The following KANK3 variants were observed in gnomAD, a reference collection of about 807,000 sequenced individuals.
The protein encoded by KANK3 is KN motif and ankyrin repeat domain-containing protein 3.
Under a neutral mutation model 65.4 loss-of-function variants are expected in KANK3, and 61 were observed. The ratio of observed to expected loss-of-function variants is 0.93; its 90% CI spans 0.76 to 1.15. The LOEUF is 1.15. Among genes scored for constraint, KANK3 ranks in the 50% most tolerant of loss-of-function variants. The pLI, the probability that KANK3 is intolerant of heterozygous loss-of-function variation, is 0.00. For missense variants in KANK3, 1,187 were observed against 1,178.8 expected, an observed-to-expected ratio of 1.01 and a Z score of -0.10; for synonymous variants, 586 against 543.3, an observed-to-expected ratio of 1.08 and a Z score of -1.09.
chr19:8,332,987 T>TTCCCCCCCCCCCCC, intron 7 of KANK3, 27 bp downstream of exon 7: 2 of 395,196 alleles, frequency 5.1e-6, no homozygotes, highest in Non-Finnish European at 9.5e-6. Flanking sequence ...TTTCCTGGTG[T>TTCCCCCCCCCCCCC]CCCACCCACC....
chr19:8,336,462 G>A (rs1205724929), intron 2 of KANK3, among the ~76,000 whole-genome samples: 1 of 151,114 alleles, frequency 6.6e-6, no homozygotes, highest in Non-Finnish European at 1.5e-5. Flanking sequence ...CCCTGGCCGG[G>A]CGCAGTGGCT....
At chr19:8,325,240 C>G (rs1049574590) in intron 7 of KANK3, 144 bp from the exon 8 acceptor site, 2 of 774,688 alleles carry the variant, frequency 2.6e-6, no homozygotes, top group African/African-American at 3.5e-5. Context: ...TGGTTCCTCC[C>G]TCACTAAGGT....
Position 8,332,998 on chromosome 19 carries a change from C to CCCCCCT in KANK3, c.1936+15_1936+16insAGGGGG. 8.2e-7 allele frequency: 1 copy of CCCCCCT among 1,226,752 alleles called. No homozygotes were observed. The allele number at this position is 1,226,752 out of a possible 1,614,324, so 76.0% of individuals were successfully genotyped here. Reference sequence around the variant, plus strand: ...CCCATTTCCTGGTGTCCCACCCACCCTCCCTTGGCTCTGACCCGTATCCAG... The same window carrying CCCCCCT: ...CCCATTTCCTGGTGTCCCACCCACCCCCCCCTTCCCTTGGCTCTGACCCGTATCCAG... On this transcript the variant is annotated intron_variant, in intron 7 of 10. Transcript: ENST00000330915.
rs546532865 is a variant in KANK3 at position 8,336,441 on chromosome 19, A to G, written c.35-649T>C. Among the ~76,000 whole-genome samples the G allele has an allele frequency of 1.3e-3, 190 of 150,870 alleles. 2 individuals carry two copies. Among genetic ancestry groups the G allele is most frequent in the Admixed American group, 2.6e-3 (39 of 15,114 alleles). Reference sequence around the variant, plus strand: ...GACAGAAGAGAACCTCTCAAAAAAAAAAAAAAGTAGCCCTGGCCGGGCGCA... The same window carrying G: ...GACAGAAGAGAACCTCTCAAAAAAAGAAAAAAGTAGCCCTGGCCGGGCGCA... On this transcript the variant is annotated intron_variant, in intron 2 of 10. Transcript: ENST00000330915.
At chr19:8,338,320 C>A (rs1568579459) in intron 1 of KANK3, among the ~76,000 whole-genome samples, 1 of 152,000 alleles carries the variant, frequency 6.6e-6, no homozygotes, top group African/African-American at 2.4e-5. Context: ...CCGTGCCTAG[C>A]CGACCTTGAA....
intron 7 of KANK3, among the ~76,000 whole-genome samples, chr19:8,326,563 G>A (rs1450351056): frequency 4.7e-5 from 7 of 149,642 alleles, no homozygotes; most frequent in African/African-American, 1.2e-4. Context: ...TGAGGCGGGC[G>A]GATCATGAGG....
At chr19:8,331,008 C>T (rs1336101038) in intron 7 of KANK3, among the ~76,000 whole-genome samples, 1 of 151,796 alleles carries the variant, frequency 6.6e-6, no homozygotes, top group East Asian at 1.9e-4. Flanking sequence ...GCCTGGCCAA[C>T]ATGTTGAAAC....
chr19:8,323,259 G>A (rs1970356368), intron 10 of KANK3: 1 of 187,312 alleles, frequency 5.3e-6, no homozygotes, highest in Non-Finnish European at 1.1e-5. Flanking sequence ...TGTTCAGAAC[G>A]CCTTAGCCTG....
chr19:8,322,806 C>T lies in KANK3; in HGVS notation c.*33G>A, dbSNP rs1248783622. The T allele has an allele frequency of 2.6e-6, 4 of 1,528,604 alleles. No individual in the cohort carries two copies. Among genetic ancestry groups the T allele is most frequent in the Non-Finnish European group, 3.6e-6 (4 of 1,105,696 alleles). The allele number at this position is 1,528,604 out of a possible 1,614,324, so 94.7% of individuals were successfully genotyped here. A position where few individuals can be genotyped will look rare whatever the true frequency, so the allele number is the denominator to read the frequency against. On this transcript the variant is annotated 3_prime_UTR_variant, in exon 11 of 11. Transcript: ENST00000330915. The stretch of plus-strand genomic sequence containing the variant: ...GAGGTGACTGACGAGGAGATCTCCC[C>T]ACAGCTAGGTGTAGTGAGCCAGACG...
intron 7 of KANK3, among the ~76,000 whole-genome samples, 200 bp from the exon 8 acceptor site, chr19:8,325,296 CTTTTT>C (rs573315741): frequency 1.4e-3 from 108 of 78,636 alleles, no homozygotes; most frequent in African/African-American, 2.3e-3. Context: ...CCTGTTTCAT[CTTTTT>C]TTTTTTTTTT....
intron 10 of KANK3, among the ~76,000 whole-genome samples, chr19:8,323,807 G>C (rs886743538): frequency 6.6e-6 from 1 of 152,204 alleles, no homozygotes; most frequent in Admixed American, 6.5e-5. Context: ...GGGCTGATTA[G>C]ATAACTTGGA....
intron 2 of KANK3, among the ~76,000 whole-genome samples, chr19:8,336,759 T>C (rs1293026129): frequency 1.2e-5 from 1 of 82,722 alleles, no homozygotes; most frequent in Admixed American, 1.3e-4. Flanking sequence ...AAAAAAAAGG[T>C]TGGCGAGGGG....
At chr19:8,327,816 T>C (rs1171485358) in intron 7 of KANK3, among the ~76,000 whole-genome samples, 2 of 152,170 alleles carry the variant, frequency 1.3e-5, no homozygotes, top group Non-Finnish European at 2.9e-5. Flanking sequence ...GGTGGCATGC[T>C]GTGTGGGTGT....
Position 8,325,030 on chromosome 19 carries a change from G to C in KANK3, c.2003C>G (p.Ser668Cys). The C allele has an allele frequency of 6.2e-7, 1 of 1,613,946 alleles. No individual in the cohort carries two copies. The highest frequency in any genetic ancestry group is 8.5e-7 in the Non-Finnish European group (1 of 1,180,018). Reference sequence around the variant, plus strand: ...CATGTCCTCCTCTTCCTGCCTCACAGAGGTGAGTGCAGCCAGCATGAGGGC... The same window carrying C: ...CATGTCCTCCTCTTCCTGCCTCACACAGGTGAGTGCAGCCAGCATGAGGGC... ...YSALMLAALT[S>C]VRQEEEDMAV... The change falls in exon 8 of 11, where the codon TCT (serine) becomes TGT (cysteine). Residue 668 changes from serine (S) to cysteine (C), a missense_variant. By Grantham distance (112) the Ser-to-Cys change is moderately radical. Transcript: ENST00000330915.
At chr19:8,342,590 G>A (rs1166545916) in intron 1 of KANK3, among the ~76,000 whole-genome samples, 2 of 152,058 alleles carry the variant, frequency 1.3e-5, no homozygotes, top group African/African-American at 2.4e-5. Flanking sequence ...AGGCCAGTGA[G>A]GATCCCAGTC....
intron 2 of KANK3, among the ~76,000 whole-genome samples, chr19:8,336,368 C>T (rs1970637270): frequency 1.4e-5 from 2 of 147,888 alleles, no homozygotes; most frequent in East Asian, 4.0e-4. Flanking sequence ...TCCTGGTAGG[C>T]GGAGTTTGAG....
In KANK3 at chr19:8,335,758, G is replaced by A; in HGVS notation, c.69C>T (p.Ala23=). The part of the protein sequence containing the change: ...LGGPRLCPVP[A]AGGARSPSSP... ...AGCTCGGGCTGCGTGCGCCCCCGGC[G>A]GCGGGGACCGGGCACAGGCGGGGGC... Residue 23 remains alanine (A), a synonymous_variant, in exon 3 of 11, where the codon GCC becomes GCT. Coordinates refer to ENST00000330915, the MANE Select transcript of KANK3 (RefSeq NM_198471.3). The A allele has an allele frequency of 8.0e-7, 1 of 1,243,060 alleles. No homozygotes were observed. The highest frequency in any genetic ancestry group is 3.1e-5 in the East Asian group (1 of 31,772). 77.0% of individuals were successfully genotyped at this position (1,243,060 alleles called of 1,614,324 possible).
In KANK3 at chr19:8,334,828, G is replaced by A; in HGVS notation, c.999C>T (p.Thr333=). The change falls in exon 3 of 11, where the codon ACC becomes ACT. Residue 333 remains threonine, a synonymous_variant. Coordinates refer to ENST00000330915, the MANE Select transcript of KANK3 (RefSeq NM_198471.3). ...CGGTCACCCACGCGTCCGCCTCCACGGTCTCGGGGGCAGCCTCCACGCCGG... is the reference window on the plus strand; with the variant it reads ...CGGTCACCCACGCGTCCGCCTCCACAGTCTCGGGGGCAGCCTCCACGCCGG... ...REAGVEAAPE[T]VEADAWVTEA... 2.0e-6 allele frequency: 3 copies of A among 1,480,286 alleles called. No individual in the cohort carries two copies. The highest frequency in any genetic ancestry group is 1.3e-5 in the South Asian group (1 of 78,456). 91.7% of individuals were successfully genotyped at this position (1,480,286 alleles called of 1,614,324 possible).
chr19:8,335,774 A>T lies in KANK3; in HGVS notation c.53T>A (p.Leu18Gln). ...QNLPDLGGPR[L>Q]CPVPAAGGAR... The stretch of plus-strand genomic sequence containing the variant: ...GCCCCCGGCGGCGGGGACCGGGCAC[A>T]GGCGGGGGCCGCCCAGGTCTGGAGG... Residue 18 changes from leucine (L) to glutamine (Q), a missense_variant, in exon 3 of 11, where the codon CTG becomes CAG. Physicochemically the swap from Leu to Gln is moderately radical, Grantham distance 113. Around this residue, in one of 3 missense-constraint regions of KANK3, gnomAD observed 104 missense variants for 122.1 expected, o/e 0.85. Transcript: ENST00000330915. 8.1e-7 allele frequency: 1 copy of T among 1,238,308 alleles called. No individual in the cohort carries two copies. 76.7% of individuals were successfully genotyped at this position (1,238,308 alleles called of 1,614,324 possible). A position where few individuals can be genotyped will look rare whatever the true frequency, so the allele number is the denominator to read the frequency against.
Sources: gnomAD v4.1 joint callset for allele counts (sites outside exome capture counted in the v4.1 genomes callset) on GRCh38, gnomAD v4.1.1 for gene constraint, gnomAD v4.1.1 regional missense constraint, MANE v1.5 for transcripts, NCBI Gene and HGNC (gene_info 2026-07-23, HGNC 2026-07-21) for gene names.